Variants in ALCAM observed in about 807,000 individuals in gnomAD.
ALCAM encodes the protein activated leukocyte cell adhesion molecule, also known as CD166 antigen.
In ALCAM, 30 loss-of-function variants were observed where a neutral mutation model predicts 70.9. That is an observed-to-expected ratio of 0.42 (90% CI 0.32 to 0.57). ALCAM has a LOEUF of 0.57. Ranked by LOEUF, ALCAM falls within the 20% of genes least tolerant of loss-of-function variation. The pLI is 0.11. For missense variants in ALCAM, 591 were observed against 695.1 expected (o/e 0.85, Z 1.68); for synonymous variants, 249 against 242.5 (o/e 1.03, Z -0.25).
intron 1 of ALCAM, among the ~76,000 whole-genome samples, chr3:105,412,799 A>G (rs1032212758): frequency 2.6e-5 from 4 of 152,128 alleles, no homozygotes; most frequent in African/African-American, 9.7e-5. Flanking sequence ...CAAAATACAT[A>G]ATGTTCATCC....
At chr3:105,418,803 A>T (rs1253479807) in intron 1 of ALCAM, among the ~76,000 whole-genome samples, 1 of 151,670 alleles carries the variant, frequency 6.6e-6, no homozygotes, top group Non-Finnish European at 1.5e-5. Context: ...CAGGTTCTAG[A>T]GTTTTCCAGA....
intron 1 of ALCAM, among the ~76,000 whole-genome samples, chr3:105,374,571 C>T (rs1425339967): frequency 4.6e-5 from 7 of 152,042 alleles, no homozygotes; most frequent in Non-Finnish European, 7.4e-5. Context: ...GGCTGGAGTG[C>T]AATGGTGCGA....
intron 1 of ALCAM, among the ~76,000 whole-genome samples, chr3:105,426,127 A>G (rs926669197): frequency 1.3e-5 from 2 of 151,814 alleles, no homozygotes; most frequent in Non-Finnish European, 2.9e-5. Context: ...TATTTTTCAA[A>G]CTATATTTAG....
intron 6 of ALCAM, among the ~76,000 whole-genome samples, chr3:105,535,460 G>C (rs1939947690): frequency 6.6e-6 from 1 of 152,006 alleles, no homozygotes; most frequent in Admixed American, 6.6e-5. Context: ...ATAATCTAAT[G>C]ATTAGAAGCA....
intron 1 of ALCAM, among the ~76,000 whole-genome samples, chr3:105,507,846 C>T (rs1472277081): frequency 2.6e-5 from 4 of 152,124 alleles, no homozygotes; most frequent in African/African-American, 9.7e-5. Flanking sequence ...TTAATCTCAA[C>T]CTTGCCATTT....
At chr3:105,390,281 T>A (rs1935782969) in intron 1 of ALCAM, among the ~76,000 whole-genome samples, 1 of 152,098 alleles carries the variant, frequency 6.6e-6, no homozygotes, top group Non-Finnish European at 1.5e-5. Flanking sequence ...TTTTTAATAA[T>A]CGCCATTCTG....
chr3:105,481,475 G>A (rs557391713), intron 1 of ALCAM, among the ~76,000 whole-genome samples: 1 of 152,250 alleles, frequency 6.6e-6, no homozygotes, highest in Non-Finnish European at 1.5e-5. Flanking sequence ...CATATGTAGT[G>A]CTGATTATGG....
At chr3:105,451,748 T>A (rs1252788201) in intron 1 of ALCAM, among the ~76,000 whole-genome samples, 3 of 152,308 alleles carry the variant, frequency 2.0e-5, no homozygotes, top group South Asian at 4.1e-4. Context: ...CATTAATAAA[T>A]CCTTCACTAT....
intron 1 of ALCAM, among the ~76,000 whole-genome samples, chr3:105,401,377 G>A (rs1353673625): frequency 6.6e-6 from 1 of 152,228 alleles, no homozygotes; most frequent in East Asian, 1.9e-4. Context: ...CTGAGACACA[G>A]GAGCAGCACA....
chr3:105,501,934 A>C (rs904714120), intron 1 of ALCAM, among the ~76,000 whole-genome samples: 2 of 152,244 alleles, frequency 1.3e-5, no homozygotes, highest in Non-Finnish European at 2.9e-5. Context: ...TACAGTTGAA[A>C]ACACTTATCA....
intron 1 of ALCAM, among the ~76,000 whole-genome samples, chr3:105,487,518 A>G (rs528347540): frequency 4.6e-5 from 7 of 152,170 alleles, no homozygotes; most frequent in Non-Finnish European, 1.0e-4. Context: ...TATCAGCTAC[A>G]CTGGAGGAAT....
At position 105,571,962 on chromosome 3, in the gene ALCAM, C is replaced by T; in HGVS notation, c.*23C>T. 6.4e-7 allele frequency: 1 copy of T among 1,554,726 alleles called. No homozygotes were observed. Among genetic ancestry groups the T allele is most frequent in the Middle Eastern group, 1.7e-4 (1 of 5,948 alleles). ...TAAGAGAGAAACTGTCCTAGTTGTC[C>T]AGGTGAGTAGTCTGTACGAGGTTCA... On this transcript the variant is annotated splice_region_variant and 3_prime_UTR_variant, in exon 15 of 16. Transcript: ENST00000306107.
intron 1 of ALCAM, among the ~76,000 whole-genome samples, chr3:105,430,649 G>T (rs569670647): frequency 2.0e-5 from 3 of 151,924 alleles, no homozygotes; most frequent in African/African-American, 7.3e-5. Flanking sequence ...ATGAAGTTAC[G>T]CTTCTTCCCT....
At chr3:105,407,264 AAC>A (rs2107385543) in intron 1 of ALCAM, among the ~76,000 whole-genome samples, 1 of 80,006 alleles carries the variant, frequency 1.2e-5, no homozygotes. Flanking sequence ...CAGCAACAAC[AAC>A]AAAAAAAAAA....
At chr3:105,488,784 T>C (rs1178813550) in intron 1 of ALCAM, among the ~76,000 whole-genome samples, 1 of 151,894 alleles carries the variant, frequency 6.6e-6, no homozygotes, top group Non-Finnish European at 1.5e-5. Flanking sequence ...TATGTAGACC[T>C]GTGATTAAGA....
chr3:105,393,861 C>T (rs941136310), intron 1 of ALCAM, among the ~76,000 whole-genome samples: 1 of 151,608 alleles, frequency 6.6e-6, no homozygotes, highest in Non-Finnish European at 1.5e-5. Context: ...ACAAAAAGCC[C>T]TATTATTTAT....
chr3:105,552,602 A>G lies in ALCAM; in HGVS notation c.1664+17A>G, dbSNP rs771901067. The stretch of plus-strand genomic sequence containing the variant: ...GAAGTCAAAGTGAGTTGTGGAAAAA[A>G]GATCTTCATCGTTCATTGACTTTCA... On this transcript the variant is annotated intron_variant, in intron 14 of 15. Transcript: ENST00000306107. 3.1e-6 allele frequency: 5 copies of G among 1,610,780 alleles called. No homozygotes were observed. In the South Asian group the frequency reaches 5.5e-5, roughly 18 times the overall value.
intron 1 of ALCAM, 122 bp downstream of exon 1, chr3:105,367,603 C>A (rs1040258760): frequency 1.7e-6 from 2 of 1,148,724 alleles, no homozygotes; most frequent in Non-Finnish European, 2.5e-6. Context: ...GTAAGGGGAC[C>A]GCTGTCCTGG....
Position 105,568,748 on chromosome 3 carries a change from G to A in ALCAM, c.1665-3104G>A, listed in dbSNP as rs368143652. Among the ~76,000 whole-genome samples the A allele has an allele frequency of 3.9e-5, 6 of 152,266 alleles. 1 individual carries two copies. The highest frequency in any genetic ancestry group is 1.4e-4 in the African/African-American group (6 of 41,552). On this transcript the variant is annotated intron_variant, in intron 14 of 15. Coordinates refer to ENST00000306107, the MANE Select transcript of ALCAM (RefSeq NM_001627.4). ...GCTGAGAAGTGCCCTCAGAGGAAAA[G>A]CCATGTAAAATTTTCTTTCAATTTC...
Sources: allele counts gnomAD v4.1 joint callset (sites outside exome capture counted in the v4.1 genomes callset), GRCh38; gene constraint gnomAD v4.1.1; transcripts MANE v1.5; gene names NCBI Gene and HGNC (gene_info 2026-07-23, HGNC 2026-07-21).